SASH1: variants seen among roughly 807,000 people sequenced by gnomAD.
The protein encoded by SASH1 is SAM and SH3 domain containing 1, also known as SAM and SH3 domain-containing protein 1.
Under a neutral mutation model 125.2 loss-of-function variants are expected in SASH1, and 44 were observed. The observed-to-expected ratio is 0.35, with a 90% confidence interval of 0.28 to 0.45. The LOEUF (loss-of-function observed/expected upper bound fraction) is 0.45. Among genes scored for constraint, SASH1 ranks in the 20% least tolerant of loss-of-function variants. The pLI is 1.00. For synonymous variants in SASH1, 639 were observed against 649.1 expected (o/e 0.98, Z 0.24); for missense variants, 1,426 against 1,614.5 (o/e 0.88, Z 2.00).
Position 148,354,201 on chromosome 6 carries a change from AAGAG to A in SASH1, c.156+10982_156+10985del, listed in dbSNP as rs796352331. 1.3e-3 allele frequency among the ~76,000 whole-genome samples: 200 copies of A among 152,328 alleles called. 2 individuals carry two copies. The highest frequency in any genetic ancestry group is 4.5e-3 in the African/African-American group (186 of 41,570). ...AAACAGAACAAAAAAGAAAGAAAAA[AAGAG>A]AGAAAATATGAATGCTTTTGAATAG... On this transcript the variant is annotated intron_variant, in intron 1 of 19. Transcript: ENST00000367467.
upstream of SASH1, among the ~76,000 whole-genome samples, chr6:148,338,283 C>T (rs998635989): frequency 1.3e-5 from 2 of 151,810 alleles, no homozygotes; most frequent in Non-Finnish European, 1.5e-5. Context: ...AAAAATTAGC[C>T]TGGCATGGTG....
the SASH1 span, among the ~76,000 whole-genome samples, chr6:148,236,533 T>C: frequency 6.6e-6 from 1 of 152,124 alleles, no homozygotes. Flanking sequence ...ATTAAATTAA[T>C]TTAAAACACA....
intron 1 of SASH1, among the ~76,000 whole-genome samples, chr6:148,290,430 C>A (rs933745752): frequency 6.6e-6 from 1 of 151,306 alleles, no homozygotes; most frequent in African/African-American, 2.4e-5. Flanking sequence ...CAGAGTGAAA[C>A]CCCGTCTCTA....
At chr6:148,357,946 G>A (rs887668115) in intron 1 of SASH1, among the ~76,000 whole-genome samples, 1 of 151,280 alleles carries the variant, frequency 6.6e-6, no homozygotes, top group Non-Finnish European at 1.5e-5. Flanking sequence ...TGTAATCCCA[G>A]CTACTCGGGA....
chr6:148,198,863 T>C, the SASH1 span, among the ~76,000 whole-genome samples: 24 of 152,384 alleles, frequency 1.6e-4, no homozygotes, highest in African/African-American at 5.5e-4. Flanking sequence ...AATCAAAAGA[T>C]GACAATTATC....
At chr6:148,473,817 C>T (rs115051988) in intron 6 of SASH1, among the ~76,000 whole-genome samples, 1 of 152,146 alleles carries the variant, frequency 6.6e-6, no homozygotes, top group South Asian at 2.1e-4. Flanking sequence ...CTCTCACTTT[C>T]CTCCAAAACC....
rs150780087 is a variant in SASH1, at chr6:148,440,378, C to T, written c.357C>T (p.Ser119=). Residue 119 remains serine (S), a synonymous_variant, in exon 4 of 20, where the codon AGC becomes AGT. Transcript: ENST00000367467. ...SQIEESLGFC[S]AVSTPEVERK... The stretch of plus-strand genomic sequence containing the variant: ...CGTAGGAGTCGCTTGGCTTCTGTAG[C>T]GCCGTGTCAACCCCAGAAGTGGAAA... 1.3e-4 allele frequency: 207 copies of T among 1,614,024 alleles called. No individual in the cohort carries two copies. The highest frequency in any genetic ancestry group is 2.7e-4 in the Admixed American group (16 of 60,010).
intron 1 of SASH1, among the ~76,000 whole-genome samples, chr6:148,302,311 CAAAA>C (rs1174644909): frequency 1.6e-3 from 74 of 44,868 alleles, no homozygotes; most frequent in African/African-American, 4.9e-3. Context: ...GACTCCGTCT[CAAAA>C]AAAAAAAAAA....
chr6:148,215,074 T>G, the SASH1 span, among the ~76,000 whole-genome samples: 1 of 152,160 alleles, frequency 6.6e-6, no homozygotes, highest in African/African-American at 2.4e-5. Context: ...TCATCTGGGA[T>G]CATCATGGGA....
chr6:148,302,311 C>CAAAAAA (rs1174644909), intron 1 of SASH1, among the ~76,000 whole-genome samples: 7 of 44,886 alleles, frequency 1.6e-4, no homozygotes, highest in Middle Eastern at 0.019. Context: ...GACTCCGTCT[C>CAAAAAA]AAAAAAAAAA....
At chr6:148,411,213 A>G (rs1562389710) in intron 2 of SASH1, among the ~76,000 whole-genome samples, 1 of 129,430 alleles carries the variant, frequency 7.7e-6, no homozygotes, top group Admixed American at 7.9e-5. Context: ...CCAGGTCTGT[A>G]TTTTTGTATT....
intron 1 of SASH1, among the ~76,000 whole-genome samples, chr6:148,372,906 T>C (rs1782752367): frequency 6.6e-6 from 1 of 151,834 alleles, no homozygotes; most frequent in African/African-American, 2.4e-5. Flanking sequence ...TAAGAAGAAA[T>C]ATAAGGGGCC....
At chr6:148,492,301 G>T (rs1188186928) in intron 8 of SASH1, among the ~76,000 whole-genome samples, 1 of 152,224 alleles carries the variant, frequency 6.6e-6, no homozygotes, top group Non-Finnish European at 1.5e-5. Context: ...CTTTCAGAGG[G>T]CTGGTCAGAA....
At chr6:148,286,572 G>T (rs1388651304) in intron 1 of SASH1, among the ~76,000 whole-genome samples, 2 of 152,168 alleles carry the variant, frequency 1.3e-5, no homozygotes, top group African/African-American at 4.8e-5. Context: ...CACAGGATTG[G>T]TGTCTCCGGA....
At chr6:148,457,700 C>T (rs1015923223) in intron 4 of SASH1, among the ~76,000 whole-genome samples, 1 of 152,148 alleles carries the variant, frequency 6.6e-6, no homozygotes, top group Non-Finnish European at 1.5e-5. Context: ...CCTCACGCTA[C>T]TAACAAAGAC....
At chr6:148,530,859 A>T (rs936671271) in intron 12 of SASH1, among the ~76,000 whole-genome samples, 2 of 152,226 alleles carry the variant, frequency 1.3e-5, no homozygotes, top group Non-Finnish European at 2.9e-5. Flanking sequence ...AGTCACTCCC[A>T]TCAGGATTCT....
At chr6:148,234,547 C>T in the SASH1 span, among the ~76,000 whole-genome samples, 1 of 151,834 alleles carries the variant, frequency 6.6e-6, no homozygotes, top group East Asian at 1.9e-4. Flanking sequence ...AGGAACTGGC[C>T]GGGCGTGGTG....
At chr6:148,307,329 G>C (rs1780171767) in intron 1 of SASH1, among the ~76,000 whole-genome samples, 1 of 151,814 alleles carries the variant, frequency 6.6e-6, no homozygotes, top group Non-Finnish European at 1.5e-5. Context: ...TGTTGGTCAG[G>C]CTGGTCTCAA....
chr6:148,305,623 C>CAAAAAAAAAAA (rs59521298), intron 1 of SASH1, among the ~76,000 whole-genome samples: 7 of 104,346 alleles, frequency 6.7e-5, no homozygotes, highest in African/African-American at 1.9e-4. Context: ...GACTCTGACT[C>CAAAAAAAAAAA]AAAAAAAAAA....
Sources: allele counts gnomAD v4.1 joint callset (sites outside exome capture counted in the v4.1 genomes callset), GRCh38; gene constraint gnomAD v4.1.1; transcripts MANE v1.5; gene names NCBI Gene and HGNC (gene_info 2026-07-23, HGNC 2026-07-21).